Variants in ADGRB3 observed in about 807,000 individuals in gnomAD.
The protein encoded by ADGRB3 is adhesion G protein-coupled receptor B3.
A neutral mutation model predicts 193.4 loss-of-function variants in ADGRB3; 37 were observed. That is an observed-to-expected ratio of 0.19 (90% CI 0.15 to 0.25). ADGRB3 has a LOEUF of 0.25. Among genes scored for constraint, ADGRB3 ranks in the 10% least tolerant of loss-of-function variants. ADGRB3 has a pLI of 1.00. For missense variants in ADGRB3, 1,637 were observed against 1,852.9 expected, an observed-to-expected ratio of 0.88 and a Z score of 2.14; for synonymous variants, 690 against 644.2, an observed-to-expected ratio of 1.07 and a Z score of -1.08.
intron 17 of ADGRB3, among the ~76,000 whole-genome samples, chr6:69,106,138 A>G (rs187094835): frequency 8.4e-4 from 106 of 126,374 alleles, no homozygotes; most frequent in Non-Finnish European, 1.5e-3. Flanking sequence ...CAGCCTGGGC[A>G]ACAGGCTTTT....
chr6:68,823,940 C>A (rs978976581), intron 3 of ADGRB3, among the ~76,000 whole-genome samples: 3 of 151,986 alleles, frequency 2.0e-5, no homozygotes, highest in African/African-American at 7.2e-5. Flanking sequence ...TTTCTGAGAA[C>A]TTCAGTTTTT....
At chr6:69,149,518 T>C (rs2150340747) in intron 17 of ADGRB3, among the ~76,000 whole-genome samples, 1 of 152,304 alleles carries the variant, frequency 6.6e-6, no homozygotes, top group East Asian at 1.9e-4. Flanking sequence ...GTCCCGTATC[T>C]CTGTCTCTCC....
At chr6:69,183,595 A>G (rs1303075638) in intron 17 of ADGRB3, among the ~76,000 whole-genome samples, 1 of 152,120 alleles carries the variant, frequency 6.6e-6, no homozygotes, top group South Asian at 2.1e-4. Context: ...ACTAATTCTC[A>G]GAACACATGG....
chr6:68,990,649 T>A (rs554433249), intron 10 of ADGRB3, among the ~76,000 whole-genome samples: 3 of 152,298 alleles, frequency 2.0e-5, no homozygotes, highest in African/African-American at 7.2e-5. Context: ...TAACTATTTT[T>A]ATTGCAAACA....
At chr6:69,290,718 AC>A (rs1052288678) in intron 20 of ADGRB3, among the ~76,000 whole-genome samples, 1 of 152,188 alleles carries the variant, frequency 6.6e-6, no homozygotes, top group African/African-American at 2.4e-5. Flanking sequence ...AATACATTTT[AC>A]CCTAGCTAAT....
Position 69,361,471 on chromosome 6 carries a change from A to G in ADGRB3, c.4198A>G (p.Arg1400Gly), listed in dbSNP as rs1319639898. 3 of 1,612,674 alleles carry G rather than the reference A, an allele frequency of 1.9e-6. No individual in the cohort carries two copies. Among genetic ancestry groups the G allele is most frequent in the Non-Finnish European group, 2.5e-6 (3 of 1,179,042 alleles). ...SELDDNAGLS[R>G]SETGSTISMS... ...GTTGGATGATAATGCAGGACTATCA[A>G]GAAGTGAAACTGGATCAACGATATC... Residue 1400 changes from arginine to glycine, a missense_variant, in exon 29 of 32, where the codon AGA (arginine) becomes GGA (glycine). By Grantham distance (125) the Arg-to-Gly change is moderately radical. Transcript: ENST00000370598.
rs541832760 is a variant in ADGRB3 at position 69,013,659 on chromosome 6, A to T, written c.1930-379A>T. 1.4e-3 allele frequency among the ~76,000 whole-genome samples: 213 copies of T among 152,234 alleles called. 1 individual carries two copies. The highest frequency in any genetic ancestry group is 5.0e-3 in the African/African-American group (209 of 41,548). ...CATTGCAATAACAACCACAACTCAC[A>T]ATTTAACAGGACAACTTGTAATGAA... On this transcript the variant is annotated intron_variant, in intron 11 of 31. Coordinates refer to ENST00000370598, the MANE Select transcript of ADGRB3 (RefSeq NM_001704.3).
chr6:68,886,267 T>C (rs1028063203), intron 3 of ADGRB3, among the ~76,000 whole-genome samples: 1 of 152,096 alleles, frequency 6.6e-6, no homozygotes, highest in Non-Finnish European at 1.5e-5. Context: ...CATTAACCAA[T>C]ATTTTACCTA....
At chr6:68,843,347 C>T (rs34131251) in intron 3 of ADGRB3, among the ~76,000 whole-genome samples, 14,220 of 151,910 alleles carry the variant, frequency 0.094, 882 homozygotes, top group Non-Finnish European at 0.13. Flanking sequence ...ACAAAGTCAA[C>T]ATATAAAAAT....
chr6:69,066,744 A>C (rs1191542776), intron 16 of ADGRB3, among the ~76,000 whole-genome samples: 1 of 152,090 alleles, frequency 6.6e-6, no homozygotes, highest in Non-Finnish European at 1.5e-5. Context: ...AGAAATATCA[A>C]ATTTTTTTCT....
chr6:68,790,420 T>C (rs923149210), intron 3 of ADGRB3, among the ~76,000 whole-genome samples: 8 of 152,206 alleles, frequency 5.3e-5, no homozygotes, highest in African/African-American at 1.7e-4. Context: ...TGTCCCTCTC[T>C]GACAGCTTTG....
chr6:69,126,581 T>C (rs913403676), intron 17 of ADGRB3, among the ~76,000 whole-genome samples: 1 of 152,208 alleles, frequency 6.6e-6, no homozygotes, highest in Non-Finnish European at 1.5e-5. Context: ...AGAATTCACC[T>C]TTTCTGTTCT....
chr6:69,194,312 C>T (rs3799051), intron 17 of ADGRB3, among the ~76,000 whole-genome samples: 8,135 of 152,128 alleles, frequency 0.053, 578 homozygotes, highest in African/African-American at 0.15. Context: ...CTTTTCCCCA[C>T]AGGGACTTCT....
chr6:69,232,553 G>T, intron 17 of ADGRB3: 1 of 1,535,726 alleles, frequency 6.5e-7, no homozygotes, highest in Non-Finnish European at 8.7e-7. Context: ...CCAGGGCAAA[G>T]AAGCAGTTGA....
At chr6:69,230,495 T>C (rs939195527) in intron 17 of ADGRB3, among the ~76,000 whole-genome samples, 5 of 152,192 alleles carry the variant, frequency 3.3e-5, no homozygotes, top group African/African-American at 7.2e-5. Flanking sequence ...CAATCAGACA[T>C]GTGTACCATG....
At position 68,935,053 on chromosome 6, in the gene ADGRB3, A is replaced by G. The variant is rs1035601034; in HGVS notation, c.869-1466A>G. ...TCCAGTTATAAACAGATGGTCATCT[A>G]TGCCTCTTGGTGCATGATGCAGAAC... On this transcript the variant is annotated intron_variant, in intron 4 of 31. Coordinates refer to ENST00000370598, the MANE Select transcript of ADGRB3 (RefSeq NM_001704.3). Among the ~76,000 whole-genome samples, 7 of 152,172 alleles carry G rather than the reference A, an allele frequency of 4.6e-5. 1 individual carries two copies. In the South Asian group the frequency reaches 6.2e-4, roughly 14 times the overall value.
At chr6:68,827,072 T>C (rs973569041) in intron 3 of ADGRB3, among the ~76,000 whole-genome samples, 2 of 152,028 alleles carry the variant, frequency 1.3e-5, no homozygotes, top group Non-Finnish European at 2.9e-5. Flanking sequence ...CTCCCCAAAG[T>C]AGTGAGTAAG....
intron 3 of ADGRB3, among the ~76,000 whole-genome samples, chr6:68,824,626 T>C (rs1767808858): frequency 6.7e-6 from 1 of 148,260 alleles, no homozygotes; most frequent in African/African-American, 2.5e-5. Context: ...TAATATATAA[T>C]ATATTATATA....
At chr6:69,149,348 T>A (rs1195079321) in intron 17 of ADGRB3, among the ~76,000 whole-genome samples, 1 of 152,040 alleles carries the variant, frequency 6.6e-6, no homozygotes, top group South Asian at 2.1e-4. Context: ...TTCTTTAGTA[T>A]GTCAGTTGCA....
Sources: allele counts gnomAD v4.1 joint callset (sites outside exome capture counted in the v4.1 genomes callset), GRCh38; gene constraint gnomAD v4.1.1; transcripts MANE v1.5; gene names NCBI Gene and HGNC (gene_info 2026-07-23, HGNC 2026-07-21).